Variants in CNTNAP3B observed in about 807,000 individuals in gnomAD.
The protein encoded by CNTNAP3B is contactin associated protein family member 3B, also known as contactin-associated protein-like 3B.
CNTNAP3B carries 25 observed loss-of-function variants against 108.9 expected under a neutral mutation model. That is an observed-to-expected ratio of 0.23 (90% confidence interval 0.17 to 0.32). CNTNAP3B has a LOEUF of 0.32. Ranked by LOEUF, CNTNAP3B falls within the 10% of genes least tolerant of loss-of-function variation. The pLI is 1.00. For synonymous variants in CNTNAP3B, 103 were observed against 473.4 expected, an observed-to-expected ratio of 0.22 and a Z score of 10.16; for missense variants, 252 against 1,210.4, an observed-to-expected ratio of 0.21 and a Z score of 11.75.
chr9:41,940,485 T>C (rs1824304416), intron 13 of CNTNAP3B, among the ~76,000 whole-genome samples: 2 of 152,248 alleles, frequency 1.3e-5, no homozygotes, highest in Admixed American at 6.5e-5. Context: ...CTATAAATTA[T>C]ATATCCAGAG....
At chr9:42,127,875 C>T (rs1173309585) in intron 1 of CNTNAP3B, among the ~76,000 whole-genome samples, 6 of 139,124 alleles carry the variant, frequency 4.3e-5, no homozygotes, top group South Asian at 2.3e-4. Flanking sequence ...CACTGAGCTA[C>T]GGCAAACTTT....
rs1398509165 is a variant in CNTNAP3B, at chr9:42,118,217, C to A, written c.85+10793G>T. ...CTGATACCAAAGCCTGGCAGAGACA[C>A]AAACAAAAAAGAGAATTTTAGACCA... On this transcript the variant is annotated intron_variant, in intron 1 of 23. Transcript: ENST00000377561. Among the ~76,000 whole-genome samples, 6 of 139,038 alleles carry A rather than the reference C, an allele frequency of 4.3e-5. 2 individuals are homozygous for A. Among genetic ancestry groups the A allele is most frequent in the South Asian group, 2.3e-4 (1 of 4,302 alleles). 91.2% of individuals were successfully genotyped at this position (139,038 alleles called of 152,430 possible). A position where few individuals can be genotyped will look rare whatever the true frequency, so the allele number is the denominator to read the frequency against.
At chr9:41,919,352 G>T (rs1201454852) in intron 18 of CNTNAP3B, among the ~76,000 whole-genome samples, 1 of 151,940 alleles carries the variant, frequency 6.6e-6, no homozygotes, top group East Asian at 1.9e-4. Context: ...CTGACCTCGT[G>T]ATCCGCCTGC....
intron 15 of CNTNAP3B, among the ~76,000 whole-genome samples, chr9:41,928,051 T>A (rs1202485402): frequency 1.3e-5 from 2 of 152,116 alleles, no homozygotes; most frequent in African/African-American, 4.8e-5. Context: ...TAGAAAAAAA[T>A]AACAGAATAA....
chr9:42,117,432 A>T (rs1454097336), intron 1 of CNTNAP3B, among the ~76,000 whole-genome samples: 1 of 139,216 alleles, frequency 7.2e-6, no homozygotes, highest in Non-Finnish European at 1.5e-5. Flanking sequence ...ACTACTGGGT[A>T]CATAACAAAA....
chr9:42,098,207 T>A (rs1489159553), intron 2 of CNTNAP3B, among the ~76,000 whole-genome samples: 1 of 136,832 alleles, frequency 7.3e-6, no homozygotes, highest in Non-Finnish European at 1.6e-5. Flanking sequence ...ATAGCAAACT[T>A]ACTTCCTCAG....
chr9:41,955,345 A>C (rs1422613548), intron 12 of CNTNAP3B, among the ~76,000 whole-genome samples: 174 of 150,804 alleles, frequency 1.2e-3, no homozygotes, highest in African/African-American at 3.9e-3. Flanking sequence ...ACATTATAGG[A>C]TATGCATTTG....
At chr9:41,937,098 A>ATTTATTTTTT (rs1824180586) in intron 14 of CNTNAP3B, among the ~76,000 whole-genome samples, 28 of 141,020 alleles carry the variant, frequency 2.0e-4, no homozygotes, top group Non-Finnish European at 2.9e-4. Context: ...TGACCATTAC[A>ATTTATTTTTT]TTTTTTATTT....
intron 13 of CNTNAP3B, among the ~76,000 whole-genome samples, chr9:41,945,825 C>T (rs1824516612): frequency 1.3e-5 from 2 of 152,302 alleles, no homozygotes; most frequent in African/African-American, 2.4e-5. Context: ...CCATGATCCA[C>T]CTACATGTTG....
intron 3 of CNTNAP3B, among the ~76,000 whole-genome samples, chr9:42,047,739 G>A (rs531733028): frequency 2.2e-5 from 2 of 90,940 alleles, no homozygotes; most frequent in Admixed American, 1.2e-4. Flanking sequence ...CCTGCCCCTC[G>A]CCCCTCTCAC....
intron 6 of CNTNAP3B, among the ~76,000 whole-genome samples, chr9:41,996,878 C>A (rs1200130121): frequency 1.3e-4 from 1 of 7,532 alleles, no homozygotes; most frequent in Non-Finnish European, 2.5e-4. Flanking sequence ...CTGAATAATC[C>A]AGTATAGGAC....
chr9:42,089,767 G>A (rs193095170), intron 2 of CNTNAP3B, among the ~76,000 whole-genome samples: 1,887 of 145,048 alleles, frequency 0.013, 7 homozygotes, highest in Non-Finnish European at 0.02. Flanking sequence ...GATCCAATAT[G>A]TTTCCATTTG....
chr9:41,925,542 G>T (rs370908845), intron 15 of CNTNAP3B, among the ~76,000 whole-genome samples: 2 of 152,282 alleles, frequency 1.3e-5, no homozygotes, highest in Admixed American at 6.5e-5. Context: ...GCAGTGAGCC[G>T]AGATCCTGCC....
chr9:41,965,409 G>A (rs1825238822), intron 10 of CNTNAP3B, among the ~76,000 whole-genome samples: 1 of 151,364 alleles, frequency 6.6e-6, no homozygotes, highest in Non-Finnish European at 1.5e-5. Flanking sequence ...TGCCTCTCAG[G>A]ATTGTTAGGG....
At chr9:41,953,066 C>A (rs1824741365) in intron 13 of CNTNAP3B, 117 bp downstream of exon 13, 10 of 1,226,662 alleles carry the variant, frequency 8.2e-6, no homozygotes, top group East Asian at 3.0e-5. Context: ...GCGGTCAGGG[C>A]TTTGAACTAA....
At chr9:41,942,662 C>T (rs1413749650) in intron 13 of CNTNAP3B, among the ~76,000 whole-genome samples, 1 of 152,132 alleles carries the variant, frequency 6.6e-6, no homozygotes, top group African/African-American at 2.4e-5. Flanking sequence ...TAGGATGCTT[C>T]TCCTCTCCCC....
chr9:41,937,867 C>T (rs1401238999), intron 14 of CNTNAP3B, among the ~76,000 whole-genome samples: 1 of 151,890 alleles, frequency 6.6e-6, no homozygotes, highest in Non-Finnish European at 1.5e-5. Context: ...AGCATTATAT[C>T]CCAAATCAAT....
chr9:41,967,743 G>A (rs1405466876), intron 10 of CNTNAP3B, among the ~76,000 whole-genome samples: 4 of 152,268 alleles, frequency 2.6e-5, no homozygotes, highest in African/African-American at 9.6e-5. Flanking sequence ...TAAAATTCAG[G>A]TTTTCAAAAT....
At position 41,953,391 on chromosome 9, in the gene CNTNAP3B, G is replaced by T; in HGVS notation, c.1877-5C>A. On this transcript the variant is annotated splice_region_variant and splice_polypyrimidine_tract_variant and intron_variant, in intron 12 of 23. Coordinates refer to ENST00000377561, the MANE Select transcript of CNTNAP3B (RefSeq NM_001201380.3). ...CCACCGTCCACGCGGAGTCTGCTGA[G>T]CAGAAACGGGCAAAGGAGAGGCATC... 2 of 1,536,194 alleles carry T rather than the reference G, an allele frequency of 1.3e-6. No homozygotes were observed. Among genetic ancestry groups the T allele is most frequent in the Non-Finnish European group, 1.7e-6 (2 of 1,143,134 alleles).
Sources: gnomAD v4.1 joint callset for allele counts (sites outside exome capture counted in the v4.1 genomes callset) on GRCh38, gnomAD v4.1.1 for gene constraint, MANE v1.5 for transcripts, NCBI Gene and HGNC (gene_info 2026-07-23, HGNC 2026-07-21) for gene names.